Variants in SAMTOR observed in about 807,000 individuals in gnomAD.
SAMTOR encodes S-adenosylmethionine sensor upstream of mTORC1, also known as UPF0532 protein C7orf60.
chr7:112,936,546 G>C, the SAMTOR span, among the ~76,000 whole-genome samples: 1 of 152,098 alleles, frequency 6.6e-6, no homozygotes, highest in Non-Finnish European at 1.5e-5. Flanking sequence ...TTGGGCAAAT[G>C]GTTGGAGAAG....
chr7:112,896,830 T>C, the SAMTOR span, among the ~76,000 whole-genome samples: 1 of 152,218 alleles, frequency 6.6e-6, no homozygotes, highest in African/African-American at 2.4e-5. Context: ...AAATGGATTT[T>C]AGAAAGATAA....
the SAMTOR span, among the ~76,000 whole-genome samples, chr7:112,929,657 A>G: frequency 4.6e-5 from 7 of 152,086 alleles, no homozygotes; most frequent in African/African-American, 1.7e-4. Flanking sequence ...ATTACTCACA[A>G]TAGCTAAGAA....
the SAMTOR span, among the ~76,000 whole-genome samples, chr7:112,834,646 G>A: frequency 2.6e-5 from 4 of 151,996 alleles, no homozygotes; most frequent in Non-Finnish European, 5.9e-5. Context: ...AAGTATCCAC[G>A]CTTTTTGCAT....
chr7:112,824,413 T>G, the SAMTOR span, among the ~76,000 whole-genome samples: 1 of 152,112 alleles, frequency 6.6e-6, no homozygotes, highest in East Asian at 1.9e-4. Context: ...CAGACTGGAG[T>G]GCAGTAGCGT....
At chr7:112,915,528 T>C in the SAMTOR span, 2 of 1,166,848 alleles carry the variant, frequency 1.7e-6, no homozygotes, top group Non-Finnish European at 2.3e-6. Context: ...CAATCTGAAA[T>C]TATTTAAAGA....
the SAMTOR span, among the ~76,000 whole-genome samples, chr7:112,932,085 C>G: frequency 1.3e-5 from 2 of 151,920 alleles, no homozygotes; most frequent in African/African-American, 4.8e-5. Flanking sequence ...GCCACCACAC[C>G]CGGCTAATTT....
the SAMTOR span, among the ~76,000 whole-genome samples, chr7:112,865,632 A>ATT: frequency 3.0e-4 from 34 of 112,834 alleles, no homozygotes; most frequent in South Asian, 5.7e-4. Context: ...TCATATATAT[A>ATT]TCATATATAC....
chr7:112,906,573 C>T, the SAMTOR span, among the ~76,000 whole-genome samples: 7,544 of 144,506 alleles, frequency 0.052, 494 homozygotes, highest in African/African-American at 0.16. Flanking sequence ...AAAGACATAT[C>T]TTTTTTTTTT....
the SAMTOR span, among the ~76,000 whole-genome samples, chr7:112,924,788 T>C: frequency 6.7e-6 from 1 of 148,326 alleles, no homozygotes; most frequent in African/African-American, 2.5e-5. Flanking sequence ...CATAATAAAT[T>C]ATGATTTATT....
the SAMTOR span, among the ~76,000 whole-genome samples, chr7:112,858,904 C>A: frequency 6.6e-6 from 1 of 152,122 alleles, no homozygotes. Flanking sequence ...TATGCATCAA[C>A]CTGACTAGGC....
chr7:112,914,607 T>TA, the SAMTOR span, among the ~76,000 whole-genome samples: 2 of 152,150 alleles, frequency 1.3e-5, no homozygotes, highest in Non-Finnish European at 2.9e-5. Context: ...ATTCAAGATT[T>TA]AAAAAATTTT....
the SAMTOR span, among the ~76,000 whole-genome samples, chr7:112,886,856 T>C: frequency 2.6e-5 from 4 of 152,216 alleles, no homozygotes; most frequent in African/African-American, 7.2e-5. Flanking sequence ...ATGGCAATTA[T>C]TGGATGTTTT....
At chr7:112,849,691 TG>T in the SAMTOR span, among the ~76,000 whole-genome samples, 1 of 151,974 alleles carries the variant, frequency 6.6e-6, no homozygotes, top group Non-Finnish European at 1.5e-5. Context: ...TTAGGGGGAG[TG>T]TTTTCAACTT....
At chr7:112,924,996 C>T in the SAMTOR span, among the ~76,000 whole-genome samples, 3 of 152,094 alleles carry the variant, frequency 2.0e-5, no homozygotes, top group Non-Finnish European at 4.4e-5. Context: ...CACAAATGCT[C>T]CTGTGAGAAT....
At chr7:112,893,367 C>T in the SAMTOR span, among the ~76,000 whole-genome samples, 10 of 152,374 alleles carry the variant, frequency 6.6e-5, no homozygotes, top group East Asian at 1.2e-3. Context: ...TCACTTGCTG[C>T]TTCACCTTGC....
chr7:112,922,396 A>C, the SAMTOR span, among the ~76,000 whole-genome samples: 1 of 152,104 alleles, frequency 6.6e-6, no homozygotes, highest in Non-Finnish European at 1.5e-5. Context: ...GGAAGTGAGG[A>C]GCGTCTCTGC....
chr7:112,882,538 A>T, the SAMTOR span, among the ~76,000 whole-genome samples: 13 of 152,172 alleles, frequency 8.5e-5, no homozygotes, highest in South Asian at 2.1e-4. Flanking sequence ...AATATAAAAA[A>T]ATTAGCTGGG....
At chr7:112,882,222 G>T in the SAMTOR span, among the ~76,000 whole-genome samples, 3 of 152,176 alleles carry the variant, frequency 2.0e-5, no homozygotes, top group Non-Finnish European at 4.4e-5. Flanking sequence ...CTCTGCACCT[G>T]GCTTGCCCTT....
chr7:112,927,689 T>A, the SAMTOR span, among the ~76,000 whole-genome samples: 1 of 152,016 alleles, frequency 6.6e-6, no homozygotes, highest in African/African-American at 2.4e-5. Flanking sequence ...TTTGACCAAC[T>A]ACAGAGAATT....
Sources: gnomAD v4.1 joint callset for allele counts (sites outside exome capture counted in the v4.1 genomes callset) on GRCh38, gnomAD v4.1.1 for gene constraint, MANE v1.5 for transcripts, NCBI Gene and HGNC (gene_info 2026-07-23, HGNC 2026-07-21) for gene names.